CHRNA10: variants seen among roughly 807,000 people sequenced by gnomAD.
CHRNA10 encodes the protein cholinergic receptor nicotinic alpha 10 subunit, also known as neuronal acetylcholine receptor subunit alpha-10.
CHRNA10 carries 31 observed loss-of-function variants against 36.0 expected under a neutral mutation model. That is an observed-to-expected ratio of 0.86 (90% CI 0.65 to 1.16). The LOEUF (loss-of-function observed/expected upper bound fraction) is 1.16, where lower values mean the gene tolerates loss of function less well. Ranked by LOEUF, CHRNA10 falls within the 50% of genes most tolerant of loss-of-function variation. The probability of loss-of-function intolerance (pLI) is 0.00; values close to 1 mark genes in which losing one functional copy is unlikely to be tolerated. For synonymous variants in CHRNA10, 302 were observed against 287.0 expected (o/e 1.05, Z -0.53); for missense variants, 648 against 640.9 (o/e 1.01, Z -0.12).
At position 3,667,641 on chromosome 11, in the gene CHRNA10, C is replaced by T. The variant is rs1311370606; in HGVS notation, c.486G>A (p.Pro162=). ...TCAGGCCGCAGTGCTGGGCGTCGAA[C>T]GGGAAGGCTGCTACATCCACGCGGC... The part of the protein sequence containing the change: ...SSCRVDVAAF[P]FDAQHCGLTF... Residue 162 remains proline (P), a synonymous_variant, in exon 4 of 5, where the codon CCG becomes CCA. Transcript: ENST00000250699. The T allele has an allele frequency of 3.2e-6, 5 of 1,558,856 alleles. No homozygotes were observed. In the South Asian group the frequency reaches 3.5e-5, roughly 11 times the overall value.
intron 3 of CHRNA10, among the ~76,000 whole-genome samples, chr11:3,668,005 G>A (rs1487044874): frequency 6.6e-6 from 1 of 152,228 alleles, no homozygotes; most frequent in Non-Finnish European, 1.5e-5. Flanking sequence ...TATCCAAAGG[G>A]CACCAGTAGG....
At position 3,667,606 on chromosome 11, in the gene CHRNA10, G is replaced by A. The variant is rs758842352; in HGVS notation, c.521C>T (p.Ser174Phe). The stretch of plus-strand genomic sequence containing the variant: ...CAGTTGGTGCCCGCCGTGAGTCCAG[G>A]AGCCGAACGTCAGGCCGCAGTGCTG... ...DAQHCGLTFG[S>F]WTHGGHQLDV... Residue 174 changes from serine to phenylalanine, a missense_variant, in exon 4 of 5, where the codon TCC becomes TTC. Coordinates refer to ENST00000250699, the MANE Select transcript of CHRNA10 (RefSeq NM_020402.4). 6.4e-6 allele frequency: 10 copies of A among 1,557,182 alleles called. No individual in the cohort carries two copies. The South Asian group carries it at 1.0e-4, about 16-fold the overall frequency.
At position 3,671,286 on chromosome 11, in the gene CHRNA10, G is replaced by A. The variant is rs1288808094; in HGVS notation, c.27C>T (p.Ser9=). The part of the protein sequence containing the change: MGLRSHHL[S]LGLLLLFLLP... ...GTAGAAACAGAAGCAGAAGGCCCAG[G>A]CTGAGGTGGTGGCTCCGGAGCCCCA... The change falls in exon 1 of 5, where the codon AGC becomes AGT. Residue 9 remains serine (S), a synonymous_variant. Transcript: ENST00000250699. 8 of 1,614,156 alleles carry A rather than the reference G, an allele frequency of 5.0e-6. No individual in the cohort carries two copies. Among genetic ancestry groups the A allele is most frequent in the African/African-American group, 1.3e-5 (1 of 75,070 alleles).
In CHRNA10 at chr11:3,666,363, G is replaced by A. The variant is rs1367617015; in HGVS notation, c.1097C>T (p.Ser366Phe). 2 of 1,613,574 alleles carry A rather than the reference G, an allele frequency of 1.2e-6. No homozygotes were observed. Among genetic ancestry groups the A allele is most frequent in the Non-Finnish European group, 1.7e-6 (2 of 1,179,994 alleles). Residue 366 changes from serine (S) to phenylalanine (F), a missense_variant, in exon 5 of 5, where the codon TCT becomes TTT. Physicochemically the swap from Ser to Phe is radical, Grantham distance 155. Coordinates refer to ENST00000250699, the MANE Select transcript of CHRNA10 (RefSeq NM_020402.4). Reference protein sequence around the residue: ...PCGQSRPPELSPSPQSPEGGA... With the variant: ...PCGQSRPPELFPSPQSPEGGA... ...TCCTTCAGGCGACTGGGGGCTAGGAGATAACTCAGGTGGCCTGGACTGCCC... is the reference window on the plus strand; with the variant it reads ...TCCTTCAGGCGACTGGGGGCTAGGAAATAACTCAGGTGGCCTGGACTGCCC...
chr11:3,665,821 C>A lies in CHRNA10; in HGVS notation c.*286G>T. The A allele has an allele frequency of 2.9e-6, 1 of 347,222 alleles. No homozygotes were observed. 21.5% of individuals were successfully genotyped at this position (347,222 alleles called of 1,614,324 possible). ...GTGCTCCCCACTGAGAGCTCCAATACCCAGCACAAACAATTCTGTCCCTCC... is the reference window on the plus strand; with the variant it reads ...GTGCTCCCCACTGAGAGCTCCAATAACCAGCACAAACAATTCTGTCCCTCC... On this transcript the variant is annotated 3_prime_UTR_variant, in exon 5 of 5. Coordinates refer to ENST00000250699, the MANE Select transcript of CHRNA10 (RefSeq NM_020402.4).
chr11:3,671,128 G>C, intron 1 of CHRNA10, 124 bp downstream of exon 1: 3 of 1,004,630 alleles, frequency 3.0e-6, no homozygotes, highest in Admixed American at 1.8e-5. Flanking sequence ...CCCAAATAGA[G>C]AGCTTGTTCT....
Position 3,666,052 on chromosome 11 carries a change from T to C in CHRNA10, c.*55A>G. 1.4e-6 allele frequency: 2 copies of C among 1,459,392 alleles called. No homozygotes were observed. Among genetic ancestry groups the C allele is most frequent in the Non-Finnish European group, 9.1e-7 (1 of 1,096,612 alleles). 90.4% of individuals were successfully genotyped at this position (1,459,392 alleles called of 1,614,324 possible). On this transcript the variant is annotated 3_prime_UTR_variant, in exon 5 of 5. Transcript: ENST00000250699. ...ACCAGCAACCACTTGGCCGTGGCTG[T>C]CCCTTTCTGGAGGAGCTGTGGCTGC...
chr11:3,670,402 CA>C (rs1172129398), intron 1 of CHRNA10, among the ~76,000 whole-genome samples: 1 of 152,206 alleles, frequency 6.6e-6, no homozygotes, highest in Admixed American at 6.5e-5. Context: ...CACACTTCCC[CA>C]GGCTTTACTG....
chr11:3,669,926 T>G lies in CHRNA10; in HGVS notation c.77A>C (p.Glu26Ala). 1 of 1,614,152 alleles carries G rather than the reference T, an allele frequency of 6.2e-7. No homozygotes were observed. The highest frequency in any genetic ancestry group is 1.1e-5 in the South Asian group (1 of 91,086). ...GAACAGCTTGAGAGCCAGCCGGCCC[T>G]CAGCTCCCAGGCACTCTGGAGGGTC... ...FLLPAECLGA[E>A]GRLALKLFRD... is the part of the protein sequence containing the mutation. The change falls in exon 2 of 5, where the codon GAG becomes GCG. Residue 26 changes from glutamate to alanine, a missense_variant. By Grantham distance (107) the Glu-to-Ala change is moderately radical (BLOSUM62 -1). Transcript: ENST00000250699.
At chr11:3,666,716 C>T in intron 4 of CHRNA10, 152 bp from the exon 5 acceptor site, 3 of 617,814 alleles carry the variant, frequency 4.9e-6, no homozygotes, top group East Asian at 2.9e-5. Context: ...AGGTAAGGGC[C>T]GAGTTCTCCC....
Position 3,671,350 on chromosome 11 carries a change from T to C in CHRNA10, c.-38A>G. On this transcript the variant is annotated 5_prime_UTR_variant, in exon 1 of 5. Transcript: ENST00000250699. The stretch of plus-strand genomic sequence containing the variant: ...GCAAGAGCGGGGGCAGGTCTCTGGA[T>C]GTGAGGCCTCCTGGCCAGACCTAGG... 1 of 1,610,338 alleles carries C rather than the reference T, an allele frequency of 6.2e-7. No individual in the cohort carries two copies. Among genetic ancestry groups the C allele is most frequent in the South Asian group, 1.1e-5 (1 of 90,970 alleles).
At chr11:3,668,419 A>G (rs2077686886) in intron 3 of CHRNA10, 1 of 152,292 alleles carries the variant, frequency 6.6e-6, no homozygotes, top group Non-Finnish European at 1.5e-5. Context: ...AGGTTGAGGC[A>G]GGAGAATTGC....
chr11:3,669,727 C>T (rs756035882), intron 2 of CHRNA10, 69 bp downstream of exon 2: 3 of 1,555,436 alleles, frequency 1.9e-6, no homozygotes, highest in Non-Finnish European at 2.7e-6. Context: ...TAATCCCAGT[C>T]TCTCACCCCT....
At chr11:3,670,430 A>G (rs996222502) in intron 1 of CHRNA10, among the ~76,000 whole-genome samples, 1 of 152,052 alleles carries the variant, frequency 6.6e-6, no homozygotes, top group Admixed American at 6.5e-5. Context: ...ATTTTCCTCA[A>G]TCCCTGACCT....
At chr11:3,667,056 T>C (rs1241439689) in intron 4 of CHRNA10, among the ~76,000 whole-genome samples, 176 bp downstream of exon 4, 1 of 152,176 alleles carries the variant, frequency 6.6e-6, no homozygotes. Flanking sequence ...GTGAGGGGTG[T>C]TCTCCCTGGA....
At chr11:3,670,052 G>T in intron 1 of CHRNA10, 111 bp from the exon 2 acceptor site, 1 of 1,202,188 alleles carries the variant, frequency 8.3e-7, no homozygotes, top group Non-Finnish European at 1.2e-6. Flanking sequence ...TCCTCCTGGT[G>T]TCTGCCTTCT....
rs1293823614 is a variant in CHRNA10, at chr11:3,667,680, G to C, written c.447C>G (p.Ile149Met). 1.3e-6 allele frequency: 2 copies of C among 1,567,904 alleles called. No individual in the cohort carries two copies. Among genetic ancestry groups the C allele is most frequent in the Non-Finnish European group, 1.7e-6 (2 of 1,162,766 alleles). Residue 149 changes from isoleucine to methionine, a missense_variant, in exon 4 of 5, where the codon ATC (isoleucine) becomes ATG (methionine). Coordinates refer to ENST00000250699, the MANE Select transcript of CHRNA10 (RefSeq NM_020402.4). ...CATCCACGCGGCACGAGCTGCGCGT[G>C]ATGGCCGGCGCGTCCCAGCGCACGG... The part of the protein sequence containing the change: ...DGAVRWDAPA[I>M]TRSSCRVDVA...
chr11:3,670,597 C>T (rs2077706421), intron 1 of CHRNA10, among the ~76,000 whole-genome samples: 1 of 152,152 alleles, frequency 6.6e-6, no homozygotes, highest in South Asian at 2.1e-4. Flanking sequence ...TCGCTTCCTC[C>T]CTCCATGCTC....
At chr11:3,668,162 CAGAG>C (rs2077684142) in intron 3 of CHRNA10, among the ~76,000 whole-genome samples, 1 of 152,216 alleles carries the variant, frequency 6.6e-6, no homozygotes, top group Admixed American at 6.5e-5. Flanking sequence ...TCACTGCCTT[CAGAG>C]AGAAATACTT....
Sources: allele counts gnomAD v4.1 joint callset (sites outside exome capture counted in the v4.1 genomes callset), GRCh38; gene constraint gnomAD v4.1.1; transcripts MANE v1.5; gene names NCBI Gene and HGNC (gene_info 2026-07-23, HGNC 2026-07-21).